The following GNAI1 variants were observed in gnomAD, a reference collection of about 807,000 sequenced individuals.
The protein encoded by GNAI1 is guanine nucleotide-binding protein G(i) subunit alpha-1.
GNAI1 carries 11 observed loss-of-function variants against 38.9 expected under a neutral mutation model. The ratio of observed to expected loss-of-function variants is 0.28; its 90% CI spans 0.18 to 0.47. The LOEUF (loss-of-function observed/expected upper bound fraction) is 0.47, where lower values mean the gene tolerates loss of function less well. Ranked by LOEUF, GNAI1 falls within the 20% of genes least tolerant of loss-of-function variation. The pLI is 0.99. For missense variants in GNAI1, 317 were observed against 436.9 expected (o/e 0.73, Z 2.45); for synonymous variants, 166 against 145.1 (o/e 1.14, Z -1.04).
In GNAI1 at chr7:80,212,846, C is replaced by T. The variant is rs755993821; in HGVS notation, c.851C>T (p.Thr284Ile). The T allele has an allele frequency of 5.9e-5, 93 of 1,578,406 alleles. No individual in the cohort carries two copies. Among genetic ancestry groups the T allele is most frequent in the Non-Finnish European group, 7.8e-5 (91 of 1,165,190 alleles). Residue 284 changes from threonine (T) to isoleucine (I), a missense_variant, in exon 7 of 8, where the codon ACT (threonine) becomes ATT (isoleucine). Coordinates refer to ENST00000649796, the MANE Select transcript of GNAI1 (RefSeq NM_002069.6). The stretch of plus-strand genomic sequence containing the variant: ...GAAAAAATCAAAAAGAGCCCTCTCA[C>T]TATATGCTATCCAGAATATGCAGGT... ...FEEKIKKSPL[T>I]ICYPEYAGSN...
intron 3 of GNAI1, among the ~76,000 whole-genome samples, chr7:80,196,857 A>T (rs1329770079): frequency 2.6e-5 from 4 of 152,006 alleles, no homozygotes; most frequent in East Asian, 1.9e-4. Context: ...ACATATAGAT[A>T]GTAAAATTGT....
intron 1 of GNAI1, among the ~76,000 whole-genome samples, chr7:80,188,206 T>G (rs1788421585): frequency 6.6e-6 from 1 of 152,232 alleles, no homozygotes; most frequent in Non-Finnish European, 1.5e-5. Flanking sequence ...TTTGAACATC[T>G]GATATTTTAA....
chr7:80,180,179 A>G (rs1172373344), intron 1 of GNAI1, among the ~76,000 whole-genome samples: 1 of 152,218 alleles, frequency 6.6e-6, no homozygotes, highest in African/African-American at 2.4e-5. Context: ...AAAGCAGTAT[A>G]TGATTTCCTG....
At chr7:80,206,255 C>T (rs1788775059) in intron 5 of GNAI1, among the ~76,000 whole-genome samples, 1 of 151,994 alleles carries the variant, frequency 6.6e-6, no homozygotes, top group Non-Finnish European at 1.5e-5. Flanking sequence ...CTTTCTTAAA[C>T]AAAGATATAG....
At chr7:80,155,363 T>C (rs1227408516) in intron 1 of GNAI1, among the ~76,000 whole-genome samples, 1 of 152,216 alleles carries the variant, frequency 6.6e-6, no homozygotes, top group Non-Finnish European at 1.5e-5. Flanking sequence ...AATATCGAAT[T>C]CTGTATTTCT....
chr7:80,193,981 T>A (rs997156339), intron 3 of GNAI1, among the ~76,000 whole-genome samples: 1 of 152,156 alleles, frequency 6.6e-6, no homozygotes, highest in South Asian at 2.1e-4. Flanking sequence ...TACATGCTCC[T>A]GCATAATGGC....
intron 1 of GNAI1, among the ~76,000 whole-genome samples, chr7:80,167,957 A>G (rs1788039460): frequency 6.6e-6 from 1 of 152,240 alleles, no homozygotes; most frequent in Non-Finnish European, 1.5e-5. Flanking sequence ...GGTCATTAGC[A>G]AATTGTGCAG....
intron 1 of GNAI1, among the ~76,000 whole-genome samples, chr7:80,174,557 C>T (rs1054803228): frequency 6.7e-6 from 1 of 149,644 alleles, no homozygotes; most frequent in Non-Finnish European, 1.5e-5. Flanking sequence ...TTTTCCTATT[C>T]TGTAGTTTGC....
chr7:80,135,402 A>T (rs1481346340), intron 1 of GNAI1, 124 bp downstream of exon 1: 1 of 527,656 alleles, frequency 1.9e-6, no homozygotes, highest in East Asian at 3.5e-5. Context: ...TCTGAGCGGG[A>T]GCTGGGTCCG....
intron 1 of GNAI1, among the ~76,000 whole-genome samples, chr7:80,183,541 G>A (rs911193500): frequency 5.9e-5 from 9 of 152,128 alleles, no homozygotes; most frequent in African/African-American, 2.2e-4. Flanking sequence ...TAGCTGAACA[G>A]CCTGTGATGT....
chr7:80,178,846 T>TA (rs1788241245), intron 1 of GNAI1, among the ~76,000 whole-genome samples: 1 of 152,182 alleles, frequency 6.6e-6, no homozygotes, highest in Non-Finnish European at 1.5e-5. Flanking sequence ...TCGTTTCAGA[T>TA]TCTACACTGT....
intron 1 of GNAI1, among the ~76,000 whole-genome samples, chr7:80,163,524 T>A (rs566157535): frequency 6.6e-6 from 1 of 152,348 alleles, no homozygotes; most frequent in South Asian, 2.1e-4. Flanking sequence ...CTCAAACCAG[T>A]AACACATATT....
intron 7 of GNAI1, among the ~76,000 whole-genome samples, chr7:80,214,812 A>G (rs1239731138): frequency 6.6e-6 from 1 of 152,056 alleles, no homozygotes; most frequent in African/African-American, 2.4e-5. Context: ...TTGCCACTTC[A>G]CCAGTTTCAT....
chr7:80,183,533 G>C (rs1788333941), intron 1 of GNAI1, among the ~76,000 whole-genome samples: 1 of 152,016 alleles, frequency 6.6e-6, no homozygotes, highest in South Asian at 2.1e-4. Flanking sequence ...CCATGTTGTA[G>C]CTGAACAGCC....
At chr7:80,164,125 A>G (rs1157085214) in intron 1 of GNAI1, among the ~76,000 whole-genome samples, 1 of 144,434 alleles carries the variant, frequency 6.9e-6, no homozygotes, top group Non-Finnish European at 1.5e-5. Context: ...GCTCACTGCA[A>G]CCTCCACCTC....
chr7:80,181,989 C>T (rs893528479), intron 1 of GNAI1, among the ~76,000 whole-genome samples: 7 of 152,066 alleles, frequency 4.6e-5, no homozygotes, highest in South Asian at 2.1e-4. Flanking sequence ...ACTTATTCAT[C>T]GTAACTAAAA....
At chr7:80,170,020 C>CT (rs1788074651) in intron 1 of GNAI1, among the ~76,000 whole-genome samples, 1 of 152,196 alleles carries the variant, frequency 6.6e-6, no homozygotes, top group Non-Finnish European at 1.5e-5. Context: ...TTTTTCATAG[C>CT]TGAGTAATTC....
chr7:80,221,636 CTTT>C lies in GNAI1; in HGVS notation c.*4166_*4168del, dbSNP rs71518978. On this transcript the variant is annotated 3_prime_UTR_variant, in exon 8 of 8. Coordinates refer to ENST00000649796, the MANE Select transcript of GNAI1 (RefSeq NM_002069.6). The stretch of plus-strand genomic sequence containing the variant: ...ATTTTAATGTTAGGTTGGAAATTTT[CTTT>C]TTTTTTTTTTTTTTTTTTTTTTGGT... Among the ~76,000 whole-genome samples, 3,986 of 93,334 alleles carry C rather than the reference CTTT, an allele frequency of 0.043. 59 individuals are homozygous for C. Among genetic ancestry groups the C allele is most frequent in the African/African-American group, 0.16 (3,678 of 23,302 alleles). 61.2% of individuals were successfully genotyped at this position (93,334 alleles called of 152,430 possible).
intron 1 of GNAI1, among the ~76,000 whole-genome samples, chr7:80,154,617 A>G (rs1787787986): frequency 6.6e-6 from 1 of 152,198 alleles, no homozygotes; most frequent in Non-Finnish European, 1.5e-5. Flanking sequence ...TGTTTACTAC[A>G]ATAACTTTAG....
Sources: gnomAD v4.1 joint callset for allele counts (sites outside exome capture counted in the v4.1 genomes callset) on GRCh38, gnomAD v4.1.1 for gene constraint, MANE v1.5 for transcripts, NCBI Gene and HGNC (gene_info 2026-07-23, HGNC 2026-07-21) for gene names.